The following OR3A2 variants were observed in gnomAD, a reference collection of about 807,000 sequenced individuals.
OR3A2 encodes the protein olfactory receptor family 3 subfamily A member 2, also known as olfactory receptor 3A2.
For missense variants in OR3A2, 318 were observed against 392.8 expected (o/e 0.81, Z 1.61); for synonymous variants, 126 against 159.3 (o/e 0.79, Z 1.57).
chr17:3,352,191 C>G (rs1411708275), intron 2 of OR3A2, among the ~76,000 whole-genome samples: 1 of 151,840 alleles, frequency 6.6e-6, no homozygotes, highest in Non-Finnish European at 1.5e-5. Flanking sequence ...TATTTTCTCC[C>G]ATTCTGTGGG....
downstream of OR3A2, among the ~76,000 whole-genome samples, chr17:3,276,123 AAAAG>A (rs949810725): frequency 4.7e-5 from 7 of 148,406 alleles, no homozygotes; most frequent in African/African-American, 1.8e-4. Flanking sequence ...AAAGAAAAAA[AAAAG>A]AATATTCATC....
chr17:3,347,792 T>C (rs1289404775), intron 2 of OR3A2, among the ~76,000 whole-genome samples: 1 of 152,226 alleles, frequency 6.6e-6, no homozygotes, highest in African/African-American at 2.4e-5. Context: ...ATACTATGTC[T>C]AGTTCTAGAT....
intron 2 of OR3A2, among the ~76,000 whole-genome samples, chr17:3,383,128 A>G (rs1032364646): frequency 7.9e-5 from 12 of 152,228 alleles, no homozygotes; most frequent in African/African-American, 2.7e-4. Flanking sequence ...GAAGAAAAGA[A>G]TAGTGGAATA....
intron 3 of OR3A2, among the ~76,000 whole-genome samples, chr17:3,331,180 A>G (rs1008461737): frequency 6.6e-6 from 1 of 151,920 alleles, no homozygotes; most frequent in Admixed American, 6.6e-5. Context: ...GGTGAATCTG[A>G]CAATTATGTG....
chr17:3,287,504 T>C (rs1192358007), upstream of OR3A2, among the ~76,000 whole-genome samples: 1 of 152,224 alleles, frequency 6.6e-6, no homozygotes. Flanking sequence ...TTTGGGGTAA[T>C]TATAACAGCC....
chr17:3,286,919 T>C (rs184271918), upstream of OR3A2, among the ~76,000 whole-genome samples: 37 of 152,364 alleles, frequency 2.4e-4, no homozygotes, highest in Non-Finnish European at 5.0e-4. Context: ...AGCTCTTTCA[T>C]TAGATCCCAT....
intron 2 of OR3A2, among the ~76,000 whole-genome samples, chr17:3,381,318 G>A (rs9908553): frequency 0.14 from 20,625 of 143,380 alleles, 1,741 homozygotes; most frequent in African/African-American, 0.24. Context: ...CAAACATAGG[G>A]TTTTTTTTTT....
At chr17:3,293,732 T>A (rs1030769181) in intron 3 of OR3A2, among the ~76,000 whole-genome samples, 1 of 151,992 alleles carries the variant, frequency 6.6e-6, no homozygotes, top group African/African-American at 2.4e-5. Context: ...ACAGACTGGA[T>A]AAAGAAAATG....
At chr17:3,291,665 C>A in intron 3 of OR3A2, 8 of 1,603,786 alleles carry the variant, frequency 5.0e-6, no homozygotes, top group Non-Finnish European at 6.8e-6. Flanking sequence ...CTGTGAGCAT[C>A]CTCCAGATGG....
intron 2 of OR3A2, among the ~76,000 whole-genome samples, chr17:3,364,094 T>G (rs1166678592): frequency 6.6e-6 from 1 of 152,202 alleles, no homozygotes; most frequent in Admixed American, 6.5e-5. Flanking sequence ...TATAAATGTA[T>G]GTGTAGAAAA....
At chr17:3,379,320 A>C (rs2049713305) in intron 2 of OR3A2, among the ~76,000 whole-genome samples, 1 of 152,166 alleles carries the variant, frequency 6.6e-6, no homozygotes. Flanking sequence ...CAATGAGGAC[A>C]CGACAGTCAA....
chr17:3,360,645 G>C (rs1301074235), intron 2 of OR3A2, among the ~76,000 whole-genome samples: 2 of 151,754 alleles, frequency 1.3e-5, no homozygotes, highest in East Asian at 3.8e-4. Flanking sequence ...TGGCTAGCCA[G>C]TTTTCCCAGC....
chr17:3,379,900 G>A (rs539748529), intron 2 of OR3A2, among the ~76,000 whole-genome samples: 3 of 152,264 alleles, frequency 2.0e-5, no homozygotes, highest in Non-Finnish European at 4.4e-5. Flanking sequence ...CACACACCTC[G>A]ATGCCCCCTC....
chr17:3,325,115 T>C (rs1282155870), intron 3 of OR3A2, among the ~76,000 whole-genome samples: 1 of 151,650 alleles, frequency 6.6e-6, no homozygotes, highest in Non-Finnish European at 1.5e-5. Flanking sequence ...TTTTATACTT[T>C]CATATTCAAA....
At chr17:3,355,393 G>C (rs1008116100) in intron 2 of OR3A2, among the ~76,000 whole-genome samples, 1 of 150,450 alleles carries the variant, frequency 6.6e-6, no homozygotes, top group African/African-American at 2.5e-5. Flanking sequence ...CTGAAAGTGG[G>C]GTATTGAAGT....
chr17:3,360,727 T>C (rs1380808706), intron 2 of OR3A2, among the ~76,000 whole-genome samples: 4 of 151,666 alleles, frequency 2.6e-5, no homozygotes, highest in African/African-American at 9.8e-5. Context: ...CAGATAGTTG[T>C]AGATGTGTGG....
intron 3 of OR3A2, among the ~76,000 whole-genome samples, chr17:3,301,153 C>T (rs561769188): frequency 5.3e-5 from 8 of 152,122 alleles, no homozygotes; most frequent in African/African-American, 9.7e-5. Context: ...AATAAACATA[C>T]GTGTGCATGT....
chr17:3,295,632 T>G (rs558977303), intron 3 of OR3A2, among the ~76,000 whole-genome samples: 26 of 151,922 alleles, frequency 1.7e-4, no homozygotes, highest in Admixed American at 5.9e-4. Flanking sequence ...GCTCATCTAG[T>G]AAAAGAAAAG....
At chr17:3,368,755 T>C (rs2049585244) in intron 2 of OR3A2, among the ~76,000 whole-genome samples, 1 of 152,194 alleles carries the variant, frequency 6.6e-6, no homozygotes, top group African/African-American at 2.4e-5. Context: ...TAGGATTGTT[T>C]TTTCTAGTTC....
Sources: allele counts gnomAD v4.1 joint callset (sites outside exome capture counted in the v4.1 genomes callset), GRCh38; gene constraint gnomAD v4.1.1; transcripts MANE v1.5; gene names NCBI Gene and HGNC (gene_info 2026-07-23, HGNC 2026-07-21).